CREM: variants seen among roughly 807,000 people sequenced by gnomAD.
CREM encodes the protein cAMP responsive element modulator.
A neutral mutation model predicts 37.3 loss-of-function variants in CREM; 13 were observed. The observed-to-expected ratio is 0.35, with a 90% confidence interval of 0.23 to 0.55. The LOEUF is 0.55. Ranked by LOEUF, CREM falls within the 20% of genes least tolerant of loss-of-function variation. CREM has a pLI of 0.88. For missense variants in CREM, 296 were observed against 362.3 expected, an observed-to-expected ratio of 0.82 and a Z score of 1.49; for synonymous variants, 124 against 120.2, an observed-to-expected ratio of 1.03 and a Z score of -0.21.
intron 2 of CREM, among the ~76,000 whole-genome samples, 163 bp from the exon 3 acceptor site, chr10:35,148,205 T>C (rs905521808): frequency 6.6e-5 from 10 of 152,218 alleles, no homozygotes; most frequent in African/African-American, 2.4e-4. Context: ...TAGCATGAGG[T>C]CACATGTGGA....
chr10:35,156,210 A>T (rs1308591157), intron 3 of CREM, among the ~76,000 whole-genome samples: 1 of 150,754 alleles, frequency 6.6e-6, no homozygotes, highest in African/African-American at 2.4e-5. Flanking sequence ...AAGTGCTAGG[A>T]TTACAGGCGT....
intron 3 of CREM, among the ~76,000 whole-genome samples, chr10:35,159,518 A>G (rs1043859473): frequency 6.6e-6 from 1 of 152,216 alleles, no homozygotes; most frequent in African/African-American, 2.4e-5. Context: ...GGAAAACTAG[A>G]TATTTACACA....
chr10:35,149,889 A>ACACAC lies in CREM; in HGVS notation c.168+1398_168+1399insCACAC, dbSNP rs57052032. ...TAGGTTAGGCCAGGCCTTTTGCTTAAACACACACACACACACACACACACA... is the reference window on the plus strand; with the variant it reads ...TAGGTTAGGCCAGGCCTTTTGCTTAACACACACACACACACACACACACACACACA... On this transcript the variant is annotated intron_variant, in intron 3 of 7. Coordinates refer to ENST00000685392, the MANE Select transcript of CREM (RefSeq NM_183011.2). 3.6e-5 allele frequency among the ~76,000 whole-genome samples: 4 copies of ACACAC among 111,920 alleles called. No individual in the cohort carries two copies. The East Asian group carries it at 8.2e-4, about 23-fold the overall frequency. The allele number at this position is 111,920 out of a possible 152,430, so 73.4% of individuals were successfully genotyped here.
rs771631179 is a variant in CREM at position 35,207,011 on chromosome 10, G to A, written c.715G>A (p.Glu239Lys). Residue 239 changes from glutamate to lysine, a missense_variant, in exon 7 of 8, where the codon GAA becomes AAA. Physicochemically the swap from Glu to Lys is moderately conservative, Grantham distance 56. Coordinates refer to ENST00000685392, the MANE Select transcript of CREM (RefSeq NM_183011.2). Reference protein sequence around the residue: ...SLHSPQQLAEEATRKRELRLM... With the variant: ...SLHSPQQLAEKATRKRELRLM... ...GCACAGTCCCCAGCAGCTGGCAGAA[G>A]AAGCAACACGCAAACGAGAGCTGAG... The A allele has an allele frequency of 6.2e-7, 1 of 1,614,118 alleles. No individual in the cohort carries two copies. Among genetic ancestry groups the A allele is most frequent in the Admixed American group, 1.7e-5 (1 of 60,012 alleles).
intron 3 of CREM, among the ~76,000 whole-genome samples, chr10:35,165,487 A>G (rs1468345407): frequency 6.6e-6 from 1 of 152,150 alleles, no homozygotes; most frequent in Non-Finnish European, 1.5e-5. Context: ...ATCTACTTTT[A>G]TGTAATTCTT....
chr10:35,164,990 A>G (rs1325620296), intron 3 of CREM, among the ~76,000 whole-genome samples: 1 of 145,392 alleles, frequency 6.9e-6, no homozygotes, highest in African/African-American at 2.5e-5. Flanking sequence ...CCCGGAAGGC[A>G]GAAGTTGCAG....
At chr10:35,172,721 C>T (rs1480141110) in intron 3 of CREM, among the ~76,000 whole-genome samples, 1 of 152,128 alleles carries the variant, frequency 6.6e-6, no homozygotes, top group Non-Finnish European at 1.5e-5. Flanking sequence ...CCCCCCGCTG[C>T]GTCCTGACGA....
intron 3 of CREM, among the ~76,000 whole-genome samples, chr10:35,178,237 A>G (rs2094185167): frequency 1.3e-5 from 2 of 152,202 alleles, no homozygotes; most frequent in African/African-American, 4.8e-5. Flanking sequence ...CTGTATTATT[A>G]CTTGACTTGA....
rs1244759004 is a variant in CREM, at chr10:35,128,518, T to A, written c.-55+1325T>A. On this transcript the variant is annotated intron_variant, in intron 1 of 7. Coordinates refer to ENST00000685392, the MANE Select transcript of CREM (RefSeq NM_183011.2). ...TTTTTGCTTTGAGCGCCACGTTTTT[T>A]TCCTAGTCTTTTTTTTTTTTTTTTT... Among the ~76,000 whole-genome samples, 4 of 149,466 alleles carry A rather than the reference T, an allele frequency of 2.7e-5. No individual in the cohort carries two copies. In the East Asian group the frequency reaches 7.8e-4, roughly 29 times the overall value.
intron 3 of CREM, among the ~76,000 whole-genome samples, chr10:35,151,354 T>G (rs1460990629): frequency 2.6e-5 from 4 of 152,330 alleles, no homozygotes; most frequent in Middle Eastern, 3.4e-3. Flanking sequence ...TTGTTGTTTT[T>G]GTTTTGTTTC....
At chr10:35,183,179 A>G (rs898983245) in intron 5 of CREM, among the ~76,000 whole-genome samples, 9 of 152,082 alleles carry the variant, frequency 5.9e-5, no homozygotes, top group Non-Finnish European at 1.2e-4. Flanking sequence ...TTTACGAGGA[A>G]TCTTATTAGA....
intron 3 of CREM, among the ~76,000 whole-genome samples, chr10:35,164,039 G>T (rs2093422546): frequency 6.6e-6 from 1 of 151,320 alleles, no homozygotes; most frequent in Admixed American, 6.6e-5. Context: ...ATTAAATTTA[G>T]CTTGTTTACT....
At chr10:35,196,224 C>G (rs1025803144) in intron 6 of CREM, 11 of 829,626 alleles carry the variant, frequency 1.3e-5, no homozygotes, top group African/African-American at 3.5e-5. Flanking sequence ...TAGGAACTTG[C>G]GATTCAGAGC....
At chr10:35,151,399 A>G (rs12773647) in intron 3 of CREM, among the ~76,000 whole-genome samples, 46,765 of 151,858 alleles carry the variant, frequency 0.31, 7,447 homozygotes, top group South Asian at 0.35. Context: ...TCACTATGTC[A>G]CCCAAGCTGG....
At position 35,187,138 on chromosome 10, in the gene CREM, TA is replaced by T. The variant is rs1297858241; in HGVS notation, c.410-1060del. The stretch of plus-strand genomic sequence containing the variant: ...TAAATATATAAATATATTAATATAT[TA>T]ATATATAATATATATAATATATATT... On this transcript the variant is annotated intron_variant, in intron 5 of 7. Transcript: ENST00000685392. Among the ~76,000 whole-genome samples, 87 of 65,832 alleles carry T rather than the reference TA, an allele frequency of 1.3e-3. No homozygotes were observed. The East Asian group carries it at 0.015, about 12-fold the overall frequency. The allele number at this position is 65,832 out of a possible 152,430, so 43.2% of individuals were successfully genotyped here. A position where few individuals can be genotyped will look rare whatever the true frequency, so the allele number is the denominator to read the frequency against.
chr10:35,140,903 G>T (rs2091327667), intron 2 of CREM, among the ~76,000 whole-genome samples: 1 of 152,176 alleles, frequency 6.6e-6, no homozygotes, highest in South Asian at 2.1e-4. Flanking sequence ...GCAGCGTGTT[G>T]GAAAGAGTAG....
Position 35,147,621 on chromosome 10 carries a change from G to A in CREM, c.45-747G>A, listed in dbSNP as rs184016765. ...GTATTATTATACATTTAATTTAGAC[G>A]ATGGGGAAATTCCTTCACACTACCT... On this transcript the variant is annotated intron_variant, in intron 2 of 7. Coordinates refer to ENST00000685392, the MANE Select transcript of CREM (RefSeq NM_183011.2). 1.6e-4 allele frequency among the ~76,000 whole-genome samples: 25 copies of A among 152,244 alleles called. No homozygotes were observed. The East Asian group carries it at 2.7e-3, about 16-fold the overall frequency.
At chr10:35,149,395 C>T (rs2092409023) in intron 3 of CREM, among the ~76,000 whole-genome samples, 1 of 152,050 alleles carries the variant, frequency 6.6e-6, no homozygotes, top group Non-Finnish European at 1.5e-5. Context: ...GGCAGTCCAG[C>T]TGGTAAAGGT....
intron 1 of CREM, among the ~76,000 whole-genome samples, chr10:35,131,019 T>C (rs1379723782): frequency 6.6e-6 from 1 of 152,200 alleles, no homozygotes; most frequent in Admixed American, 6.5e-5. Context: ...ATGCATAGGC[T>C]ATAAAACTAT....
Sources: allele counts gnomAD v4.1 joint callset (sites outside exome capture counted in the v4.1 genomes callset), GRCh38; gene constraint gnomAD v4.1.1; transcripts MANE v1.5; gene names NCBI Gene and HGNC (gene_info 2026-07-23, HGNC 2026-07-21).